Variants in HMCN1 observed in about 807,000 individuals in gnomAD.
HMCN1 encodes hemicentin 1.
A neutral mutation model predicts 625.9 loss-of-function variants in HMCN1; 321 were observed. That is an observed-to-expected ratio of 0.51 (90% CI 0.47 to 0.56). HMCN1 has a LOEUF of 0.56. Ranked by LOEUF, HMCN1 falls within the 20% of genes least tolerant of loss-of-function variation. HMCN1 has a pLI of 0.00. For synonymous variants in HMCN1, 2,425 were observed against 2,417.6 expected (o/e 1.00, Z -0.09); for missense variants, 6,588 against 6,887.3 (o/e 0.96, Z 1.54).
At chr1:186,072,754 G>A (rs1385125030) in intron 52 of HMCN1, among the ~76,000 whole-genome samples, 2 of 152,198 alleles carry the variant, frequency 1.3e-5, no homozygotes, top group African/African-American at 2.4e-5. Context: ...TGAGGCATTT[G>A]GGCTGAAGTG....
intron 89 of HMCN1, among the ~76,000 whole-genome samples, chr1:186,143,135 C>T (rs1024777725): frequency 6.6e-6 from 1 of 152,090 alleles, no homozygotes; most frequent in Non-Finnish European, 1.5e-5. Context: ...CTACAAAGCA[C>T]AAGGATAATT....
chr1:185,903,181 G>A (rs909793101), intron 4 of HMCN1, among the ~76,000 whole-genome samples: 2 of 151,708 alleles, frequency 1.3e-5, no homozygotes, highest in African/African-American at 4.8e-5. Context: ...ATAACTAGCA[G>A]GAATGATTTC....
chr1:186,045,982 C>G, intron 41 of HMCN1, 119 bp downstream of exon 41: 1 of 742,690 alleles, frequency 1.3e-6, no homozygotes, highest in Non-Finnish European at 2.2e-6. Context: ...TTACAAAATT[C>G]TAGGAACCCT....
At position 186,136,592 on chromosome 1, in the gene HMCN1, G is replaced by A. The variant is rs1315118424; in HGVS notation, c.13313-76G>A. The A allele has an allele frequency of 3.0e-6, 4 of 1,331,232 alleles. No homozygotes were observed. The African/African-American group carries it at 5.8e-5, about 19-fold the overall frequency. The allele number at this position is 1,331,232 out of a possible 1,614,324, so 82.5% of individuals were successfully genotyped here. ...AATCAATCACTTTTTTCAAAATAATGTCGCCATATAATACATGATAAAAAA... is the reference window on the plus strand; with the variant it reads ...AATCAATCACTTTTTTCAAAATAATATCGCCATATAATACATGATAAAAAA... On this transcript the variant is annotated intron_variant, in intron 86 of 106. Coordinates refer to ENST00000271588, the MANE Select transcript of HMCN1 (RefSeq NM_031935.3).
At chr1:186,121,314 T>G (rs1661386109) in intron 80 of HMCN1, among the ~76,000 whole-genome samples, 1 of 152,138 alleles carries the variant, frequency 6.6e-6, no homozygotes, top group South Asian at 2.1e-4. Flanking sequence ...GGACTCTCAT[T>G]TGGTTTTAGG....
Position 185,744,088 on chromosome 1 carries a change from A to G in HMCN1, c.268+9041A>G, listed in dbSNP as rs368414090. On this transcript the variant is annotated intron_variant, in intron 1 of 106. Transcript: ENST00000271588. ...ACTGCAAGCTCCGCCTCCCGGGTTCACGCCATTCTCCTGCCTCAGCCTCCG... is the reference window on the plus strand; with the variant it reads ...ACTGCAAGCTCCGCCTCCCGGGTTCGCGCCATTCTCCTGCCTCAGCCTCCG... Among the ~76,000 whole-genome samples the G allele has an allele frequency of 1.6e-4, 23 of 143,808 alleles. 1 individual carries two copies. The South Asian group carries it at 2.4e-3, about 15-fold the overall frequency. The allele number at this position is 143,808 out of a possible 152,430, so 94.3% of individuals were successfully genotyped here.
chr1:185,973,184 C>T (rs905622599), intron 15 of HMCN1, among the ~76,000 whole-genome samples: 1 of 152,014 alleles, frequency 6.6e-6, no homozygotes, highest in African/African-American at 2.4e-5. Flanking sequence ...TAACGTACAC[C>T]CAGCATATCA....
Position 186,007,142 on chromosome 1 carries a change from G to T in HMCN1, c.4490G>T (p.Gly1497Val). Reference protein sequence around the residue: ...WFKDGKPLFLGDPNVELLDRG... With the variant: ...WFKDGKPLFLVDPNVELLDRG... ...ATTTTTTCTAGGCCTTTATTTTTGG[G>T]CGATCCTAATGTTGAACTTCTAGAC... The change falls in exon 30 of 107, where the codon GGC (glycine) becomes GTC (valine). Residue 1497 changes from glycine to valine, a missense_variant. Around this residue, in one of 3 missense-constraint regions of HMCN1, gnomAD observed 4,628 missense variants for 4,853.1 expected, o/e 0.95. Coordinates refer to ENST00000271588, the MANE Select transcript of HMCN1 (RefSeq NM_031935.3). The T allele has an allele frequency of 1.2e-6, 2 of 1,612,434 alleles. No homozygotes were observed. Among genetic ancestry groups the T allele is most frequent in the Non-Finnish European group, 1.7e-6 (2 of 1,178,802 alleles).
intron 1 of HMCN1, among the ~76,000 whole-genome samples, chr1:185,843,039 A>G (rs1397340075): frequency 6.6e-6 from 1 of 152,172 alleles, no homozygotes; most frequent in Non-Finnish European, 1.5e-5. Context: ...GGATAAGGGG[A>G]TTGAACCAAA....
At chr1:185,832,548 C>T (rs928503851) in intron 1 of HMCN1, among the ~76,000 whole-genome samples, 3 of 151,932 alleles carry the variant, frequency 2.0e-5, no homozygotes, top group African/African-American at 7.3e-5. Context: ...CCATAAATAA[C>T]GAGAAGCCAA....
chr1:185,841,278 CA>C (rs995414894), intron 1 of HMCN1, among the ~76,000 whole-genome samples: 5 of 151,872 alleles, frequency 3.3e-5, no homozygotes, highest in Admixed American at 6.6e-5. Context: ...TTCTGAAGCA[CA>C]AAAAAATTGT....
Position 185,742,168 on chromosome 1 carries a change from G to C in HMCN1, c.268+7121G>C, listed in dbSNP as rs75763834. 8.3e-3 allele frequency among the ~76,000 whole-genome samples: 1,258 copies of C among 152,132 alleles called. 12 individuals carry two copies. The highest frequency in any genetic ancestry group is 0.027 in the Middle Eastern group (8 of 294). ...GCAAATCTTTTAACCTTGCTCGACC[G>C]TCTGTTTCTCCATCTATAAAATTAG... On this transcript the variant is annotated intron_variant, in intron 1 of 106. Coordinates refer to ENST00000271588, the MANE Select transcript of HMCN1 (RefSeq NM_031935.3).
intron 1 of HMCN1, among the ~76,000 whole-genome samples, chr1:185,740,218 T>C (rs1404628899): frequency 2.0e-5 from 3 of 152,190 alleles, no homozygotes; most frequent in East Asian, 3.8e-4. Flanking sequence ...ATCTGACTTA[T>C]GCATCTACAT....
At chr1:186,148,510 TTC>T (rs773885707) in intron 93 of HMCN1, among the ~76,000 whole-genome samples, 7 of 152,120 alleles carry the variant, frequency 4.6e-5, no homozygotes, top group Admixed American at 6.6e-5. Context: ...AAATATTTCT[TTC>T]TGTTTTTTTT....
chr1:186,106,602 G>A, intron 69 of HMCN1, among the ~76,000 whole-genome samples: 1 of 152,164 alleles, frequency 6.6e-6, no homozygotes, highest in Admixed American at 6.5e-5. Flanking sequence ...ATCACATATG[G>A]TTCTAGGTCC....
At chr1:185,995,213 C>G in intron 24 of HMCN1, 126 bp downstream of exon 24, 1 of 847,276 alleles carries the variant, frequency 1.2e-6, no homozygotes, top group Non-Finnish European at 1.9e-6. Flanking sequence ...ACTTTTGTGA[C>G]TCTTTAACTT....
intron 21 of HMCN1, among the ~76,000 whole-genome samples, chr1:185,989,876 G>A (rs900180711): frequency 6.6e-6 from 1 of 151,118 alleles, no homozygotes; most frequent in Non-Finnish European, 1.5e-5. Context: ...TAGTCTTTCG[G>A]AAAAATTTTA....
chr1:186,161,826 C>G (rs967740031), intron 97 of HMCN1, among the ~76,000 whole-genome samples: 1 of 152,174 alleles, frequency 6.6e-6, no homozygotes, highest in Non-Finnish European at 1.5e-5. Context: ...GTGGGTAACC[C>G]AACCTTTCTC....
At chr1:185,830,619 A>G (rs1207496492) in intron 1 of HMCN1, among the ~76,000 whole-genome samples, 2 of 152,040 alleles carry the variant, frequency 1.3e-5, no homozygotes, top group Non-Finnish European at 2.9e-5. Flanking sequence ...TGGTACCACT[A>G]CCATGCTGTT....
Sources: allele counts gnomAD v4.1 joint callset (sites outside exome capture counted in the v4.1 genomes callset), GRCh38; gene constraint gnomAD v4.1.1; regional missense constraint gnomAD v4.1.1; transcripts MANE v1.5; gene names NCBI Gene and HGNC (gene_info 2026-07-23, HGNC 2026-07-21).